Variants in LDLRAD3 observed in about 807,000 individuals in gnomAD.
The protein encoded by LDLRAD3 is low-density lipoprotein receptor class A domain-containing protein 3.
Under a neutral mutation model 29.4 loss-of-function variants are expected in LDLRAD3, and 20 were observed. The ratio of observed to expected loss-of-function variants is 0.68; its 90% CI spans 0.48 to 0.99. The LOEUF (loss-of-function observed/expected upper bound fraction) is 0.99, where lower values mean the gene tolerates loss of function less well. Ranked by LOEUF, LDLRAD3 falls within the 50% of genes least tolerant of loss-of-function variation. The pLI is 0.00. For missense variants in LDLRAD3, 420 were observed against 454.3 expected (o/e 0.92, Z 0.69); for synonymous variants, 157 against 192.7 (o/e 0.81, Z 1.53).
chr11:35,980,071 A>C (rs543415181), intron 1 of LDLRAD3, among the ~76,000 whole-genome samples: 1 of 152,238 alleles, frequency 6.6e-6, no homozygotes, highest in Non-Finnish European at 1.5e-5. Context: ...TCTCCAGAGA[A>C]GTATTTTTAT....
intron 1 of LDLRAD3, among the ~76,000 whole-genome samples, chr11:36,029,514 G>A (rs998921044): frequency 5.9e-5 from 9 of 152,072 alleles, no homozygotes; most frequent in Admixed American, 3.9e-4. Flanking sequence ...GCCGTATCCC[G>A]ATGGCTCTGC....
intron 1 of LDLRAD3, among the ~76,000 whole-genome samples, chr11:35,976,361 TG>T (rs1325689826): frequency 1.3e-5 from 2 of 151,920 alleles, no homozygotes; most frequent in Non-Finnish European, 2.9e-5. Flanking sequence ...CATATCTTGG[TG>T]GGAAAGGAGG....
intron 1 of LDLRAD3, among the ~76,000 whole-genome samples, chr11:35,985,447 G>T (rs1464758717): frequency 6.6e-6 from 1 of 152,136 alleles, no homozygotes; most frequent in Non-Finnish European, 1.5e-5. Flanking sequence ...CCATTGGGAT[G>T]GTAGGCTGAA....
intron 4 of LDLRAD3, among the ~76,000 whole-genome samples, chr11:36,195,528 C>T (rs1262325815): frequency 1.3e-5 from 2 of 152,114 alleles, no homozygotes; most frequent in Non-Finnish European, 2.9e-5. Context: ...ATTCAAGTAG[C>T]TTTTCATGAT....
intron 3 of LDLRAD3, among the ~76,000 whole-genome samples, chr11:36,083,894 T>G (rs2133259699): frequency 6.6e-6 from 1 of 152,312 alleles, no homozygotes; most frequent in African/African-American, 2.4e-5. Flanking sequence ...CCTTGTATGA[T>G]TTAAATGTTT....
At chr11:35,971,605 G>T (rs774502110) in intron 1 of LDLRAD3, among the ~76,000 whole-genome samples, 4 of 152,178 alleles carry the variant, frequency 2.6e-5, no homozygotes, top group Non-Finnish European at 4.4e-5. Context: ...CAAACCTGCT[G>T]ACTCCTTGAA....
intron 4 of LDLRAD3, among the ~76,000 whole-genome samples, chr11:36,212,845 G>C (rs1002984753): frequency 1.3e-5 from 2 of 152,152 alleles, no homozygotes; most frequent in African/African-American, 4.8e-5. Flanking sequence ...CCAGTTGGCT[G>C]TTCAGTAGCA....
At chr11:36,170,722 A>G (rs1854586210) in intron 4 of LDLRAD3, among the ~76,000 whole-genome samples, 1 of 151,640 alleles carries the variant, frequency 6.6e-6, no homozygotes, top group African/African-American at 2.4e-5. Flanking sequence ...GTGGAATCAC[A>G]TTGTGGTTTT....
At chr11:36,126,715 C>T (rs11605367) in intron 4 of LDLRAD3, among the ~76,000 whole-genome samples, 35,448 of 152,142 alleles carry the variant, frequency 0.23, 4,885 homozygotes, top group East Asian at 0.33. Flanking sequence ...TCTCCGGGAA[C>T]TCCAGTGTTC....
intron 1 of LDLRAD3, among the ~76,000 whole-genome samples, chr11:35,991,592 C>T (rs1590710839): frequency 2.0e-5 from 3 of 152,116 alleles, no homozygotes; most frequent in South Asian, 2.1e-4. Context: ...TCTCCAATGG[C>T]GACAGCTTCT....
intron 3 of LDLRAD3, among the ~76,000 whole-genome samples, chr11:36,094,474 C>T (rs1012808508): frequency 2.0e-5 from 3 of 152,206 alleles, no homozygotes; most frequent in African/African-American, 7.2e-5. Context: ...GTTAGCCAGC[C>T]CTGGCATTGT....
rs148471178 is a variant in LDLRAD3 at position 36,229,224 on chromosome 11, G to T, written c.865G>T (p.Asp289Tyr). The T allele has an allele frequency of 1.1e-3, 1,777 of 1,613,740 alleles. 17 individuals carry two copies. In the Admixed American group the frequency reaches 0.019, roughly 18 times the overall value. ...SSDTESLNQA[D>Y]LPPYRSRSGS... ...TGACACGGAATCTCTGAACCAAGCC[G>T]ACCTGCCCCCCTACCGCTCCCGGTC... Residue 289 changes from aspartate (D) to tyrosine (Y), a missense_variant, in exon 6 of 6, where the codon GAC becomes TAC. By Grantham distance (160) the Asp-to-Tyr change is radical. Transcript: ENST00000315571.
At chr11:36,051,920 A>G (rs1450940646) in intron 2 of LDLRAD3, among the ~76,000 whole-genome samples, 4 of 152,208 alleles carry the variant, frequency 2.6e-5, no homozygotes, top group Admixed American at 1.3e-4. Flanking sequence ...GATGGGTCAC[A>G]TTACTCATTT....
At chr11:36,108,963 G>C (rs1387606729) in intron 4 of LDLRAD3, among the ~76,000 whole-genome samples, 4 of 152,066 alleles carry the variant, frequency 2.6e-5, no homozygotes, top group Non-Finnish European at 5.9e-5. Context: ...GGGTAAGGGG[G>C]GATTCTGACT....
At chr11:36,201,608 A>AT (rs1001661188) in intron 4 of LDLRAD3, among the ~76,000 whole-genome samples, 1 of 152,178 alleles carries the variant, frequency 6.6e-6, no homozygotes, top group African/African-American at 2.4e-5. Flanking sequence ...TTAGGCGTGG[A>AT]TTTTTTCACT....
intron 1 of LDLRAD3, among the ~76,000 whole-genome samples, chr11:35,993,996 C>T (rs1851720818): frequency 6.6e-6 from 1 of 152,076 alleles, no homozygotes; most frequent in Non-Finnish European, 1.5e-5. Context: ...TCTCCCACCC[C>T]TAAGGAATTC....
chr11:36,026,687 C>CT (rs1852171486), intron 1 of LDLRAD3, among the ~76,000 whole-genome samples: 1 of 152,230 alleles, frequency 6.6e-6, no homozygotes, highest in African/African-American at 2.4e-5. Context: ...GTCCTCATTG[C>CT]TCATTATATG....
Position 36,176,680 on chromosome 11 carries a change from C to T in LDLRAD3, c.455-50405C>T, listed in dbSNP as rs775915893. On this transcript the variant is annotated intron_variant, in intron 4 of 5. Transcript: ENST00000315571. ...CCTGCAGGGTTTCTGCTGAGAAATC[C>T]GCCGTTAATCTGATAGGTTTTCCTT... Among the ~76,000 whole-genome samples the T allele has an allele frequency of 1.4e-4, 22 of 152,210 alleles. No individual in the cohort carries two copies. In the East Asian group the frequency reaches 2.1e-3, roughly 15 times the overall value.
intron 1 of LDLRAD3, chr11:35,968,075 T>C (rs1704776652): frequency 2.2e-6 from 1 of 456,684 alleles, no homozygotes; most frequent in African/African-American, 2.0e-5. Context: ...AGCATTCTTT[T>C]TTATAGTAGG....
Sources: allele counts gnomAD v4.1 joint callset (sites outside exome capture counted in the v4.1 genomes callset), GRCh38; gene constraint gnomAD v4.1.1; transcripts MANE v1.5; gene names NCBI Gene and HGNC (gene_info 2026-07-23, HGNC 2026-07-21).